Variants in C3orf20 observed in about 807,000 individuals in gnomAD.
C3orf20 encodes the protein family with sequence similarity 149 member C, also known as uncharacterized protein C3orf20.
In C3orf20, 76 loss-of-function variants were observed where a neutral mutation model predicts 88.3. The ratio of observed to expected loss-of-function variants is 0.86; its 90% confidence interval spans 0.72 to 1.04. C3orf20 has a LOEUF of 1.04. Among genes scored for constraint, C3orf20 ranks in the 50% least tolerant of loss-of-function variants. The probability of loss-of-function intolerance (pLI) is 0.00; values close to 1 mark genes in which losing one functional copy is unlikely to be tolerated. For missense variants in C3orf20, 1,056 were observed against 1,123.3 expected, an observed-to-expected ratio of 0.94 and a Z score of 0.86; for synonymous variants, 436 against 437.4, an observed-to-expected ratio of 1.00 and a Z score of 0.04.
intron 7 of C3orf20, among the ~76,000 whole-genome samples, chr3:14,711,082 A>G (rs1297792009): frequency 6.6e-6 from 1 of 152,002 alleles, no homozygotes; most frequent in Non-Finnish European, 1.5e-5. Flanking sequence ...TTTTTAGTGG[A>G]GATGGGGTTT....
chr3:14,729,285 C>T (rs12487855), intron 12 of C3orf20, among the ~76,000 whole-genome samples: 39,517 of 151,956 alleles, frequency 0.26, 5,300 homozygotes, highest in South Asian at 0.37. Context: ...TATACTGAAA[C>T]CCAGATGCAA....
intron 9 of C3orf20, among the ~76,000 whole-genome samples, chr3:14,718,349 A>G (rs1355499233): frequency 6.6e-6 from 1 of 152,086 alleles, no homozygotes; most frequent in African/African-American, 2.4e-5. Flanking sequence ...ATAATTTAAA[A>G]TTTCAGATTT....
At chr3:14,738,655 CAG>C (rs2034802673) in intron 12 of C3orf20, among the ~76,000 whole-genome samples, 1 of 58,142 alleles carries the variant, frequency 1.7e-5, no homozygotes, top group Non-Finnish European at 3.1e-5. Context: ...TTTTTTTTGA[CAG>C]AGTTTCTCTC....
chr3:14,715,381 C>T lies in C3orf20; in HGVS notation c.1406C>T (p.Thr469Ile). ...VVHKWSWTSR[T>I]ETLLSLEYKV... is the part of the protein sequence containing the mutation. ...CACAAGTGGAGCTGGACTTCCAGGA[C>T]AGAGACCCTGCTTTCCCTGGAATAC... The change falls in exon 9 of 17, where the codon ACA becomes ATA. Residue 469 changes from threonine to isoleucine, a missense_variant. By Grantham distance (89) the Thr-to-Ile change is moderately conservative. Transcript: ENST00000253697. 1 of 1,612,238 alleles carries T rather than the reference C, an allele frequency of 6.2e-7. No homozygotes were observed. Among genetic ancestry groups the T allele is most frequent in the Non-Finnish European group, 8.5e-7 (1 of 1,179,722 alleles).
At chr3:14,722,296 C>T in intron 10 of C3orf20, 1 of 359,816 alleles carries the variant, frequency 2.8e-6, no homozygotes, top group South Asian at 2.1e-5. Context: ...CCAACATCAA[C>T]ACTCATTGGC....
chr3:14,761,803 T>C (rs1215209158), intron 15 of C3orf20, among the ~76,000 whole-genome samples, 188 bp downstream of exon 15: 2 of 151,842 alleles, frequency 1.3e-5, no homozygotes, highest in African/African-American at 4.8e-5. Context: ...GCAGGAGGAC[T>C]TTGCAGGTGG....
intron 10 of C3orf20, 80 bp downstream of exon 10, chr3:14,721,864 T>G: frequency 6.4e-7 from 1 of 1,558,988 alleles, no homozygotes; most frequent in Non-Finnish European, 8.8e-7. Context: ...CTCAGGGCCT[T>G]TGCTCTTACT....
intron 9 of C3orf20, among the ~76,000 whole-genome samples, chr3:14,717,430 A>G (rs2033983166): frequency 6.6e-6 from 1 of 151,968 alleles, no homozygotes. Context: ...GAGGAGGAGG[A>G]GGCAAAAATC....
intron 11 of C3orf20, among the ~76,000 whole-genome samples, chr3:14,727,382 C>T (rs1381111560): frequency 6.6e-6 from 1 of 152,174 alleles, no homozygotes; most frequent in Non-Finnish European, 1.5e-5. Flanking sequence ...CTCCATTTCT[C>T]ATATCACCCA....
chr3:14,739,797 C>T, intron 12 of C3orf20, among the ~76,000 whole-genome samples: 1 of 152,350 alleles, frequency 6.6e-6, no homozygotes, highest in East Asian at 1.9e-4. Context: ...TCACCTTGTA[C>T]TGTTGTGTTA....
At position 14,757,512 on chromosome 3, in the gene C3orf20, C is replaced by T. The variant is rs778156116; in HGVS notation, c.2082C>T (p.Asp694=). The stretch of plus-strand genomic sequence containing the variant: ...TGGTGAAGGCGCCCCTGGTCTCTGA[C>T]GTGGAGCTGGAGCGCTTCCTGTTGG... The part of the protein sequence containing the change: ...KCLVKAPLVS[D]VELERFLLAP... Residue 694 remains aspartate, a synonymous_variant, in exon 13 of 17, where the codon GAC becomes GAT. Transcript: ENST00000253697. 38 of 1,613,970 alleles carry T rather than the reference C, an allele frequency of 2.4e-5. No individual in the cohort carries two copies. The highest frequency in any genetic ancestry group is 2.9e-5 in the Non-Finnish European group (34 of 1,180,016).
At chr3:14,715,031 G>A (rs1235010576) in intron 8 of C3orf20, among the ~76,000 whole-genome samples, 8 of 152,318 alleles carry the variant, frequency 5.3e-5, no homozygotes, top group African/African-American at 1.9e-4. Flanking sequence ...AGGCAACAGA[G>A]CACAAATCCC....
intron 5 of C3orf20, among the ~76,000 whole-genome samples, chr3:14,697,688 C>A (rs1053238180): frequency 2.6e-4 from 24 of 91,114 alleles, no homozygotes; most frequent in Non-Finnish European, 4.2e-4. Flanking sequence ...TCTCCTAATG[C>A]TATCCCTCCC....
intron 9 of C3orf20, among the ~76,000 whole-genome samples, chr3:14,718,797 A>G (rs139316141): frequency 1.8e-4 from 27 of 152,346 alleles, no homozygotes; most frequent in Middle Eastern, 3.4e-3. Context: ...TTGTTTCTTC[A>G]ACCGTAAGAT....
chr3:14,684,164 C>T, intron 3 of C3orf20, 78 bp from the exon 4 acceptor site: 1 of 1,568,682 alleles, frequency 6.4e-7, no homozygotes, highest in Non-Finnish European at 8.7e-7. Context: ...CTTTCCTGGG[C>T]CATTTACAGA....
chr3:14,759,480 G>A (rs542122648), intron 13 of C3orf20, among the ~76,000 whole-genome samples: 33 of 152,256 alleles, frequency 2.2e-4, no homozygotes, highest in African/African-American at 7.5e-4. Flanking sequence ...TGGGTAGGGA[G>A]TGGGGGAATT....
At chr3:14,746,361 GCTA>G (rs1182877399) in intron 12 of C3orf20, among the ~76,000 whole-genome samples, 1 of 152,186 alleles carries the variant, frequency 6.6e-6, no homozygotes, top group Admixed American at 6.5e-5. Context: ...CACTTAAGCT[GCTA>G]CTAGGTAAAT....
intron 4 of C3orf20, among the ~76,000 whole-genome samples, chr3:14,684,793 C>T (rs2032308677): frequency 6.6e-6 from 1 of 152,206 alleles, no homozygotes; most frequent in South Asian, 2.1e-4. Context: ...TTTGTGCTCA[C>T]CTGGTCATGG....
At position 14,742,179 on chromosome 3, in the gene C3orf20, C is replaced by T. The variant is rs1313113570; in HGVS notation, c.1940+13491C>T. 2.6e-5 allele frequency among the ~76,000 whole-genome samples: 4 copies of T among 152,232 alleles called. No individual in the cohort carries two copies. The Middle Eastern group carries it at 0.01, about 388-fold the overall frequency. On this transcript the variant is annotated intron_variant, in intron 12 of 16. Transcript: ENST00000253697. Reference sequence around the variant, plus strand: ...GACAAAAACCGCAATACTTTTGCACCAACCTAGTAAGTAACATTAGTGATA... The same window carrying T: ...GACAAAAACCGCAATACTTTTGCACTAACCTAGTAAGTAACATTAGTGATA...
Sources: gnomAD v4.1 joint callset for allele counts (sites outside exome capture counted in the v4.1 genomes callset) on GRCh38, gnomAD v4.1.1 for gene constraint, MANE v1.5 for transcripts, NCBI Gene and HGNC (gene_info 2026-07-23, HGNC 2026-07-21) for gene names.